Variants in DLC1 observed in about 807,000 individuals in gnomAD.
DLC1 encodes the protein DLC1 Rho GTPase activating protein.
In DLC1, 54 loss-of-function variants were observed where a neutral mutation model predicts 140.3. The observed-to-expected ratio is 0.38, with a 90% CI of 0.31 to 0.48. The LOEUF (loss-of-function observed/expected upper bound fraction) is 0.48, where lower values mean the gene tolerates loss of function less well. Among genes scored for constraint, DLC1 ranks in the 20% least tolerant of loss-of-function variants. DLC1 has a pLI of 0.96. For synonymous variants in DLC1, 986 were observed against 728.1 expected (o/e 1.35, Z -5.70); for missense variants, 2,536 against 1,907.0 (o/e 1.33, Z -6.14).
intron 1 of DLC1, among the ~76,000 whole-genome samples, chr8:13,501,044 T>G: frequency 6.6e-6 from 1 of 152,238 alleles, no homozygotes; most frequent in Middle Eastern, 3.2e-3. Flanking sequence ...CCTTCATCCC[T>G]TCTTCCCACA....
rs866852667 is a variant in DLC1, at chr8:13,554,263, C to T, written c.-126+50274G>A. On this transcript the variant is annotated intron_variant, in intron 1 of 1. Transcript: ENST00000631382. ...TGTACTTTTAGTAGAGATGGGGTTT[C>T]GCCCTGTTGGCAGGCTGGTCTTGAA... Among the ~76,000 whole-genome samples the T allele has an allele frequency of 5.9e-5, 9 of 152,250 alleles. No homozygotes were observed. The East Asian group carries it at 1.4e-3, about 23-fold the overall frequency.
intron 4 of DLC1, among the ~76,000 whole-genome samples, chr8:13,324,351 G>A (rs950918095): frequency 2.6e-5 from 4 of 151,608 alleles, no homozygotes; most frequent in South Asian, 2.1e-4. Context: ...GATGGATCAC[G>A]AGGTCAGGAG....
chr8:13,534,288 G>A (rs1277476303), intron 1 of DLC1, among the ~76,000 whole-genome samples: 1 of 152,028 alleles, frequency 6.6e-6, no homozygotes, highest in Admixed American at 6.6e-5. Flanking sequence ...AGCTTCACAT[G>A]TTTGCACTAC....
At chr8:13,107,850 C>G (rs1479147033) in intron 7 of DLC1, among the ~76,000 whole-genome samples, 1 of 152,040 alleles carries the variant, frequency 6.6e-6, no homozygotes, top group Non-Finnish European at 1.5e-5. Context: ...CAAGACCAGC[C>G]TGGCCAGTAT....
At chr8:13,154,555 G>A (rs1366185978) in intron 5 of DLC1, among the ~76,000 whole-genome samples, 1 of 152,204 alleles carries the variant, frequency 6.6e-6, no homozygotes, top group African/African-American at 2.4e-5. Context: ...CCAGTGCGCA[G>A]CCCCGGTTCC....
intron 2 of DLC1, among the ~76,000 whole-genome samples, chr8:13,403,694 G>T (rs539226928): frequency 1.3e-5 from 2 of 151,718 alleles, no homozygotes; most frequent in East Asian, 3.9e-4. Context: ...GTAGTGCAGT[G>T]CAGTGGCACG....
chr8:13,426,461 A>G (rs923113529), intron 2 of DLC1, among the ~76,000 whole-genome samples: 2 of 152,168 alleles, frequency 1.3e-5, no homozygotes, highest in East Asian at 3.9e-4. Context: ...TCTGTATTTT[A>G]ATAAATACCT....
At chr8:13,165,485 G>A (rs1825044492) in intron 5 of DLC1, among the ~76,000 whole-genome samples, 1 of 152,202 alleles carries the variant, frequency 6.6e-6, no homozygotes, top group Admixed American at 6.6e-5. Flanking sequence ...CAGACCCAAA[G>A]TTGCAACAGT....
intron 5 of DLC1, among the ~76,000 whole-genome samples, chr8:13,219,381 T>TA (rs767861728): frequency 7.9e-6 from 1 of 126,918 alleles, no homozygotes; most frequent in African/African-American, 2.9e-5. Flanking sequence ...CTTATATAAT[T>TA]ATATTTCATA....
chr8:13,246,387 T>C (rs1829763008), intron 5 of DLC1, among the ~76,000 whole-genome samples: 1 of 152,168 alleles, frequency 6.6e-6, no homozygotes, highest in Non-Finnish European at 1.5e-5. Context: ...GGCATTAAGG[T>C]GTCAATGATG....
At chr8:13,432,937 TCTTC>T (rs1838950913) in intron 2 of DLC1, among the ~76,000 whole-genome samples, 1 of 136,338 alleles carries the variant, frequency 7.3e-6, no homozygotes, top group Non-Finnish European at 1.5e-5. Context: ...GAGGTTCCTC[TCTTC>T]CTTTTTTTTT....
At chr8:13,485,224 T>C (rs1235087615) in intron 2 of DLC1, among the ~76,000 whole-genome samples, 1 of 152,222 alleles carries the variant, frequency 6.6e-6, no homozygotes, top group Non-Finnish European at 1.5e-5. Flanking sequence ...CTTTTATTTT[T>C]CTTTCCCAAG....
chr8:13,442,150 T>C (rs1458788093), intron 2 of DLC1, among the ~76,000 whole-genome samples: 3 of 152,180 alleles, frequency 2.0e-5, no homozygotes, highest in Admixed American at 2.0e-4. Flanking sequence ...TGGCTAGCCT[T>C]ATGTAGAAAG....
chr8:13,158,656 T>C (rs1249622395), intron 5 of DLC1, among the ~76,000 whole-genome samples: 1 of 150,740 alleles, frequency 6.6e-6, no homozygotes, highest in Non-Finnish European at 1.5e-5. Flanking sequence ...GATCTAGCCC[T>C]GCTTTTCTTC....
At chr8:13,428,531 C>A (rs940939325) in intron 2 of DLC1, among the ~76,000 whole-genome samples, 11 of 152,274 alleles carry the variant, frequency 7.2e-5, no homozygotes, top group Admixed American at 2.0e-4. Flanking sequence ...ATTTCTCGAA[C>A]ATATCTGAGC....
intron 5 of DLC1, among the ~76,000 whole-genome samples, chr8:13,156,942 A>G (rs1022559876): frequency 6.6e-6 from 1 of 152,162 alleles, no homozygotes; most frequent in African/African-American, 2.4e-5. Flanking sequence ...TTTTCCGAGT[A>G]TGAAGGTTAG....
intron 5 of DLC1, among the ~76,000 whole-genome samples, chr8:13,274,813 TTA>T (rs2307746): frequency 0.44 from 66,199 of 151,866 alleles, 14,781 homozygotes; most frequent in East Asian, 0.79. Flanking sequence ...AAGATATTAT[TTA>T]TAGAATCTTT....
At chr8:13,395,815 T>C (rs1837014910) in intron 3 of DLC1, among the ~76,000 whole-genome samples, 1 of 151,876 alleles carries the variant, frequency 6.6e-6, no homozygotes, top group Non-Finnish European at 1.5e-5. Context: ...ATGCCTGGAA[T>C]GATTTTGGAT....
intron 4 of DLC1, among the ~76,000 whole-genome samples, chr8:13,350,284 TA>T (rs1834583353): frequency 6.6e-6 from 1 of 152,002 alleles, no homozygotes. Context: ...CGTTCTTCCA[TA>T]ACACCTCAGG....
Sources: gnomAD v4.1 joint callset for allele counts (sites outside exome capture counted in the v4.1 genomes callset) on GRCh38, gnomAD v4.1.1 for gene constraint, MANE v1.5 for transcripts, NCBI Gene and HGNC (gene_info 2026-07-23, HGNC 2026-07-21) for gene names.